The following PPP1R12B variants were observed in gnomAD, a reference collection of about 807,000 sequenced individuals.
PPP1R12B encodes the protein protein phosphatase 1 regulatory subunit 12B.
In PPP1R12B, 76 loss-of-function variants were observed where a neutral mutation model predicts 126.1. That is an observed-to-expected ratio of 0.60 (90% CI 0.50 to 0.73). PPP1R12B has a LOEUF of 0.73. PPP1R12B is among the 30% of genes least tolerant of loss of function. The pLI is 0.00. For synonymous variants in PPP1R12B, 356 were observed against 434.7 expected, an observed-to-expected ratio of 0.82 and a Z score of 2.25; for missense variants, 1,052 against 1,205.1, an observed-to-expected ratio of 0.87 and a Z score of 1.88.
At chr1:202,549,090 G>C (rs574367897) in intron 18 of PPP1R12B, among the ~76,000 whole-genome samples, 12 of 152,054 alleles carry the variant, frequency 7.9e-5, no homozygotes, top group African/African-American at 2.9e-4. Context: ...GTTCCCTATT[G>C]GGGGTATGAA....
At chr1:202,527,745 T>G (rs969066617) in intron 18 of PPP1R12B, among the ~76,000 whole-genome samples, 1 of 152,050 alleles carries the variant, frequency 6.6e-6, no homozygotes, top group Non-Finnish European at 1.5e-5. Context: ...ATGAATTCTA[T>G]CAAACTGTCA....
In PPP1R12B at chr1:202,584,115, A is replaced by T. The variant is rs1477502807; in HGVS notation, c.*3555A>T. 6.6e-6 allele frequency: 1 copy of T among 152,190 alleles called. No homozygotes were observed. The highest frequency in any genetic ancestry group is 2.4e-5 in the African/African-American group (1 of 41,432). 9.4% of individuals were successfully genotyped at this position (152,190 alleles called of 1,614,324 possible). ...GGTGTTGCCTCTAAAGAATCTAAAG[A>T]ATAGACATGCTTTGGGCTTACTCAG... On this transcript the variant is annotated 3_prime_UTR_variant, in exon 24 of 24. Transcript: ENST00000608999.
At chr1:202,541,934 T>A (rs889497553) in intron 18 of PPP1R12B, among the ~76,000 whole-genome samples, 2 of 152,208 alleles carry the variant, frequency 1.3e-5, no homozygotes, top group African/African-American at 4.8e-5. Context: ...TGCTTCCCAA[T>A]TTTAGTGGTC....
chr1:202,452,864 A>G (rs1009189235), intron 13 of PPP1R12B, among the ~76,000 whole-genome samples: 2 of 146,788 alleles, frequency 1.4e-5, no homozygotes, highest in African/African-American at 5.1e-5. Flanking sequence ...ATGGGGTCTC[A>G]CTGTGTTGTC....
At chr1:202,418,504 G>A (rs569289302) in intron 2 of PPP1R12B, among the ~76,000 whole-genome samples, 92 of 151,168 alleles carry the variant, frequency 6.1e-4, no homozygotes, top group Non-Finnish European at 1.1e-3. Context: ...TCTTTAATTC[G>A]TCTTTATGAA....
rs149519087 is a variant in PPP1R12B at position 202,430,418 on chromosome 1, T to C, written c.922-313T>C. Among the ~76,000 whole-genome samples the C allele has an allele frequency of 3.3e-5, 5 of 152,210 alleles. No individual in the cohort carries two copies. In the East Asian group the frequency reaches 9.7e-4, roughly 30 times the overall value. Reference sequence around the variant, plus strand: ...ATTTCAGTATATGAATCATAAAGAATTCTTTCAGGTTCCTTTTGGCTTTTT... The same window carrying C: ...ATTTCAGTATATGAATCATAAAGAACTCTTTCAGGTTCCTTTTGGCTTTTT... On this transcript the variant is annotated intron_variant, in intron 6 of 23. Coordinates refer to ENST00000608999, the MANE Select transcript of PPP1R12B (RefSeq NM_002481.4).
chr1:202,556,660 C>CA (rs1686978628), intron 18 of PPP1R12B, among the ~76,000 whole-genome samples: 1 of 152,098 alleles, frequency 6.6e-6, no homozygotes, highest in Admixed American at 6.6e-5. Context: ...CTCCATAGCA[C>CA]GTATTCTCAT....
At chr1:202,543,810 T>A (rs1482797007) in intron 18 of PPP1R12B, among the ~76,000 whole-genome samples, 1 of 152,220 alleles carries the variant, frequency 6.6e-6, no homozygotes, top group African/African-American at 2.4e-5. Context: ...TGGCATGCCC[T>A]CACTCGCTCC....
chr1:202,517,233 C>T (rs1464506121), intron 18 of PPP1R12B, among the ~76,000 whole-genome samples: 1 of 152,116 alleles, frequency 6.6e-6, no homozygotes, highest in Non-Finnish European at 1.5e-5. Context: ...CCTGCCAGCT[C>T]TCCCCTCCCA....
In PPP1R12B at chr1:202,467,682, A is replaced by G. The variant is rs546112640; in HGVS notation, c.1850+18511A>G. Among the ~76,000 whole-genome samples the G allele has an allele frequency of 4.2e-4, 64 of 152,304 alleles. No homozygotes were observed. The East Asian group carries it at 4.4e-3, about 11-fold the overall frequency. ...TATTGTGAATAGTGCTTCAATAAAC[A>G]TATGTGTGCATGTGTCTTTATAGCA... On this transcript the variant is annotated intron_variant, in intron 13 of 23. Transcript: ENST00000608999.
chr1:202,508,199 AG>A lies in PPP1R12B; in HGVS notation c.2490+11378del, dbSNP rs1681041069. Among the ~76,000 whole-genome samples, 2 of 152,240 alleles carry A rather than the reference AG, an allele frequency of 1.3e-5. No individual in the cohort carries two copies. The highest frequency in any genetic ancestry group is 1.3e-4 in the Admixed American group (2 of 15,290). On this transcript the variant is annotated intron_variant, in intron 18 of 23. Coordinates refer to ENST00000608999, the MANE Select transcript of PPP1R12B (RefSeq NM_002481.4). This position sits in a 1 kb window ranked among gnomAD's most constrained non-coding sequence, Gnocchi z 4.5. ...AAAGCAAGTTCAAGGATCAGATAGC[AG>A]CCATTTAGTGACATGAATCTCTTCG...
rs1642051870 is a variant in PPP1R12B, at chr1:202,588,112, G to GT, written c.*7556dup. On this transcript the variant is annotated 3_prime_UTR_variant, in exon 24 of 24. Coordinates refer to ENST00000608999, the MANE Select transcript of PPP1R12B (RefSeq NM_002481.4). Reference sequence around the variant, plus strand: ...TTCACACTCAGACTTTGGCTTTATGGTTTTCCTTCCTCCTTGTCTTTGCCC... The same window carrying GT: ...TTCACACTCAGACTTTGGCTTTATGGTTTTTCCTTCCTCCTTGTCTTTGCCC... 6.6e-6 allele frequency: 1 copy of GT among 152,530 alleles called. No homozygotes were observed. Among genetic ancestry groups the GT allele is most frequent in the Non-Finnish European group, 1.5e-5 (1 of 68,030 alleles). 9.4% of individuals were successfully genotyped at this position (152,530 alleles called of 1,614,324 possible). A position where few individuals can be genotyped will look rare whatever the true frequency, so the allele number is the denominator to read the frequency against.
intron 23 of PPP1R12B, among the ~76,000 whole-genome samples, chr1:202,572,519 A>T (rs2149033467): frequency 6.6e-6 from 1 of 152,338 alleles, no homozygotes; most frequent in East Asian, 1.9e-4. Flanking sequence ...GTAAGTATTT[A>T]TGAATTCTCC....
At chr1:202,436,017 T>C (rs1308980068) in intron 9 of PPP1R12B, among the ~76,000 whole-genome samples, 1 of 152,144 alleles carries the variant, frequency 6.6e-6, no homozygotes, top group Non-Finnish European at 1.5e-5. Context: ...CTCAGCACTT[T>C]GGGAGGCCAA....
chr1:202,446,578 A>T (rs943399722), intron 12 of PPP1R12B, among the ~76,000 whole-genome samples: 3 of 148,052 alleles, frequency 2.0e-5, no homozygotes, highest in African/African-American at 7.4e-5. Flanking sequence ...TATTTTACAT[A>T]TATAATATTA....
Position 202,587,289 on chromosome 1 carries a change from T to C in PPP1R12B, c.*6729T>C, listed in dbSNP as rs1367321741. 6.6e-6 allele frequency: 1 copy of C among 152,178 alleles called. No individual in the cohort carries two copies. Among genetic ancestry groups the C allele is most frequent in the Non-Finnish European group, 1.5e-5 (1 of 68,046 alleles). The allele number at this position is 152,178 out of a possible 1,614,324, so 9.4% of individuals were successfully genotyped here. On this transcript the variant is annotated 3_prime_UTR_variant, in exon 24 of 24. Transcript: ENST00000608999. Reference sequence around the variant, plus strand: ...TTCTCACTTGGAGCCGAGGGTGCTTTAGAGAGGTGGTTTTCCATGAATCAG... The same window carrying C: ...TTCTCACTTGGAGCCGAGGGTGCTTCAGAGAGGTGGTTTTCCATGAATCAG...
At chr1:202,350,766 G>T (rs972703836) in intron 1 of PPP1R12B, among the ~76,000 whole-genome samples, 2 of 151,732 alleles carry the variant, frequency 1.3e-5, no homozygotes, top group Non-Finnish European at 2.9e-5. Context: ...GATTACAGGC[G>T]CCTGCCACCA....
At position 202,493,159 on chromosome 1, in the gene PPP1R12B, C is replaced by T. The variant is rs138144893; in HGVS notation, c.1987C>T (p.Arg663Trp). The T allele has an allele frequency of 5.8e-5, 94 of 1,611,992 alleles. No homozygotes were observed. The highest frequency in any genetic ancestry group is 4.6e-4 in the South Asian group (42 of 90,984). The change falls in exon 15 of 24, where the codon CGG becomes TGG. Residue 663 changes from arginine (R) to tryptophan (W), a missense_variant. Arg to Trp is a moderately radical substitution (Grantham distance 101). Coordinates refer to ENST00000608999, the MANE Select transcript of PPP1R12B (RefSeq NM_002481.4). The stretch of plus-strand genomic sequence containing the variant: ...TCAAGAAGCAGAAAGGACATTCAGC[C>T]GGTCGAGGGCAGAGAGGCAAGCTCA... ...DLQEAERTFS[R>W]SRAERQAQEQ...
chr1:202,422,562 T>A, intron 2 of PPP1R12B, 58 bp from the exon 3 acceptor site: 4 of 1,525,896 alleles, frequency 2.6e-6, no homozygotes, highest in Non-Finnish European at 3.6e-6. Flanking sequence ...GCCAGATGCA[T>A]GGGTAAAATT....
Sources: gnomAD v4.1 joint callset for allele counts (sites outside exome capture counted in the v4.1 genomes callset) on GRCh38, gnomAD v4.1.1 for gene constraint, Gnocchi (gnomAD v3.1) non-coding constraint, MANE v1.5 for transcripts, NCBI Gene and HGNC (gene_info 2026-07-23, HGNC 2026-07-21) for gene names.